Variants in PRKCE observed in about 807,000 individuals in gnomAD.
The protein encoded by PRKCE is protein kinase C epsilon type.
Under a neutral mutation model 85.4 loss-of-function variants are expected in PRKCE, and 16 were observed. That is an observed-to-expected ratio of 0.19 (90% CI 0.13 to 0.28). The LOEUF (loss-of-function observed/expected upper bound fraction) is 0.28. PRKCE is among the 10% of genes least tolerant of loss of function. The pLI is 1.00. For synonymous variants in PRKCE, 388 were observed against 371.5 expected (o/e 1.04, Z -0.51); for missense variants, 573 against 975.2 (o/e 0.59, Z 5.49).
rs7565797 is a variant in PRKCE at position 46,109,182 on chromosome 2, T to C, written c.1592+22820T>C. On this transcript the variant is annotated intron_variant, in intron 11 of 14. Transcript: ENST00000306156. ...TAATGTTTTGGGTCCCTTATGTCTT[T>C]TGCTTTTCCATACACATTTTAGAAT... 5.7e-3 allele frequency among the ~76,000 whole-genome samples: 862 copies of C among 152,270 alleles called. 10 individuals carry two copies. Among genetic ancestry groups the C allele is most frequent in the African/African-American group, 0.02 (818 of 41,564 alleles).
chr2:45,975,801 C>G (rs1236493771), intron 2 of PRKCE, among the ~76,000 whole-genome samples: 1 of 152,094 alleles, frequency 6.6e-6, no homozygotes, highest in Non-Finnish European at 1.5e-5. Context: ...CTTGAGCCTT[C>G]GAGAAACTAC....
intron 1 of PRKCE, among the ~76,000 whole-genome samples, chr2:45,712,578 G>A (rs1168297262): frequency 6.6e-6 from 1 of 152,184 alleles, no homozygotes; most frequent in Non-Finnish European, 1.5e-5. Flanking sequence ...GGCCCATGAA[G>A]CTCTGGACCA....
intron 10 of PRKCE, among the ~76,000 whole-genome samples, chr2:46,067,182 A>T (rs922110984): frequency 6.6e-6 from 1 of 152,232 alleles, no homozygotes; most frequent in African/African-American, 2.4e-5. Flanking sequence ...CAAGCAATGC[A>T]TTCCTTTCTA....
chr2:45,828,532 A>T (rs1037538287), intron 1 of PRKCE, among the ~76,000 whole-genome samples: 2 of 152,254 alleles, frequency 1.3e-5, no homozygotes, highest in African/African-American at 4.8e-5. Context: ...TGCTATAATT[A>T]TTTGACCAGG....
chr2:45,679,863 A>T (rs1676751104), intron 1 of PRKCE, among the ~76,000 whole-genome samples: 1 of 152,194 alleles, frequency 6.6e-6, no homozygotes, highest in Admixed American at 6.5e-5. Flanking sequence ...GGCCTGCCCA[A>T]AGGACCATGC....
intron 10 of PRKCE, among the ~76,000 whole-genome samples, chr2:46,082,971 G>A (rs756998257): frequency 6.6e-5 from 10 of 151,548 alleles, no homozygotes; most frequent in African/African-American, 1.7e-4. Context: ...TTTTTGAGAC[G>A]GAGTTTCTCT....
chr2:46,026,711 C>T (rs1176547086), intron 10 of PRKCE, among the ~76,000 whole-genome samples: 1 of 151,912 alleles, frequency 6.6e-6, no homozygotes, highest in Non-Finnish European at 1.5e-5. Flanking sequence ...TAAATGAGAC[C>T]CCTTAAACAC....
intron 2 of PRKCE, among the ~76,000 whole-genome samples, chr2:45,865,949 C>G (rs970599446): frequency 1.3e-5 from 2 of 151,812 alleles, no homozygotes; most frequent in Non-Finnish European, 2.9e-5. Context: ...TCCCAAGTAG[C>G]TGAGACCACA....
intron 2 of PRKCE, among the ~76,000 whole-genome samples, chr2:45,854,320 G>C (rs1692508336): frequency 2.0e-5 from 3 of 152,172 alleles, no homozygotes; most frequent in Admixed American, 2.0e-4. Context: ...TGGGGAACCA[G>C]ACCTAGAGAC....
At chr2:45,899,448 A>G (rs566846516) in intron 2 of PRKCE, among the ~76,000 whole-genome samples, 2 of 151,234 alleles carry the variant, frequency 1.3e-5, no homozygotes, top group South Asian at 4.2e-4. Context: ...TGGCACAATC[A>G]TGGCTCACTG....
intron 7 of PRKCE, among the ~76,000 whole-genome samples, chr2:46,003,156 A>G (rs1165531720): frequency 3.3e-5 from 5 of 152,194 alleles, no homozygotes; most frequent in Non-Finnish European, 4.4e-5. Context: ...TCAAGTCACT[A>G]TGAGAGGTTG....
intron 2 of PRKCE, among the ~76,000 whole-genome samples, chr2:45,966,323 C>G (rs1039590461): frequency 2.6e-5 from 4 of 152,124 alleles, no homozygotes; most frequent in African/African-American, 7.2e-5. Flanking sequence ...CTATCTCGCA[C>G]GTGTGTGATG....
At chr2:45,823,093 C>A (rs1355568999) in intron 1 of PRKCE, among the ~76,000 whole-genome samples, 1 of 152,202 alleles carries the variant, frequency 6.6e-6, no homozygotes, top group Non-Finnish European at 1.5e-5. Context: ...CCCCAAGGAG[C>A]CTGGGCTCCT....
rs539367642 is a variant in PRKCE at position 46,139,201 on chromosome 2, T to C, written c.1593-5892T>C. ...AGTCAACACAATCAGACACAAGAAATGAATTAGAAGTATAAATACTAAAAA... is the reference window on the plus strand; with the variant it reads ...AGTCAACACAATCAGACACAAGAAACGAATTAGAAGTATAAATACTAAAAA... On this transcript the variant is annotated intron_variant, in intron 11 of 14. Coordinates refer to ENST00000306156, the MANE Select transcript of PRKCE (RefSeq NM_005400.3). This position sits in a 1 kb window ranked among gnomAD's most constrained non-coding sequence, Gnocchi z 5.2. Among the ~76,000 whole-genome samples the C allele has an allele frequency of 6.6e-5, 10 of 152,168 alleles. No homozygotes were observed. The East Asian group carries it at 1.9e-3, about 29-fold the overall frequency.
At chr2:45,908,606 G>C (rs984367894) in intron 2 of PRKCE, among the ~76,000 whole-genome samples, 2 of 152,146 alleles carry the variant, frequency 1.3e-5, no homozygotes, top group African/African-American at 4.8e-5. Context: ...GAGGGGCAAG[G>C]GTCCTGAGGA....
chr2:45,884,998 TA>T (rs1266430164), intron 2 of PRKCE, among the ~76,000 whole-genome samples: 1,936 of 78,054 alleles, frequency 0.025, 174 homozygotes, highest in Non-Finnish European at 0.034. Flanking sequence ...TATATATATA[TA>T]TATTTGTTGT....
chr2:45,906,704 G>A (rs368355803), intron 2 of PRKCE, among the ~76,000 whole-genome samples: 1 of 152,194 alleles, frequency 6.6e-6, no homozygotes, highest in Non-Finnish European at 1.5e-5. Flanking sequence ...GTGGGAGGCA[G>A]CAGGAACCAA....
chr2:46,043,190 T>C (rs1268544117), intron 10 of PRKCE, among the ~76,000 whole-genome samples: 1 of 152,158 alleles, frequency 6.6e-6, no homozygotes, highest in Non-Finnish European at 1.5e-5. Flanking sequence ...GTTTCAGATA[T>C]GTACTTCTGA....
chr2:45,934,674 T>C (rs1229999927), intron 2 of PRKCE, among the ~76,000 whole-genome samples: 1 of 151,490 alleles, frequency 6.6e-6, no homozygotes, highest in Non-Finnish European at 1.5e-5. Context: ...TACTGCTAAA[T>C]TGTGTGAGAA....
Sources: allele counts gnomAD v4.1 joint callset (sites outside exome capture counted in the v4.1 genomes callset), GRCh38; gene constraint gnomAD v4.1.1; non-coding constraint Gnocchi (gnomAD v3.1); transcripts MANE v1.5; gene names NCBI Gene and HGNC (gene_info 2026-07-23, HGNC 2026-07-21).